COL4A6: variants seen among roughly 807,000 people sequenced by gnomAD.
COL4A6 encodes the protein collagen type IV alpha 6 chain, also known as collagen alpha-6(IV) chain.
Under a neutral mutation model 126.7 loss-of-function variants are expected in COL4A6, and 59 were observed. The observed-to-expected ratio is 0.47, with a 90% CI of 0.38 to 0.58. COL4A6 has a LOEUF of 0.58. Ranked by LOEUF, COL4A6 falls within the 20% of genes least tolerant of loss-of-function variation. The probability of loss-of-function intolerance (pLI) is 0.00; values close to 1 mark genes in which losing one functional copy is unlikely to be tolerated. For synonymous variants in COL4A6, 547 were observed against 496.6 expected (o/e 1.10, Z -1.35); for missense variants, 1,285 against 1,337.3 (o/e 0.96, Z 0.61).
At chrX:108,380,519 A>G (rs886404781) in intron 2 of COL4A6, among the ~76,000 whole-genome samples, 2 of 112,110 alleles carry the variant, frequency 1.8e-5, no homozygotes, top group Non-Finnish European at 3.8e-5. Flanking sequence ...ATCCTTTTCA[A>G]TCCAGAACAA....
At position 108,193,678 on chromosome X, in the gene COL4A6, C is replaced by T; in HGVS notation, c.1022G>A (p.Gly341Asp). 8.3e-7 allele frequency: 1 copy of T among 1,207,051 alleles called. No homozygotes were observed. The highest frequency in any genetic ancestry group is 1.1e-6 in the Non-Finnish European group (1 of 891,647). Residue 341 changes from glycine (G) to aspartate (D), a missense_variant, in exon 17 of 45, where the codon GGC becomes GAC. Coordinates refer to ENST00000334504, the MANE Select transcript of COL4A6 (RefSeq NM_033641.4). ...QGIEGQKGDIGLPGPDVFIDI... is the reference protein window; with the variant it reads ...QGIEGQKGDIDLPGPDVFIDI... ...GATGAAAACATCTGGGCCTGGCAGG[C>T]CAATGTCACCCTTTTGACCCTGCAA...
At chrX:108,252,977 G>A (rs2036891398) in intron 3 of COL4A6, among the ~76,000 whole-genome samples, 2 of 111,420 alleles carry the variant, frequency 1.8e-5, no homozygotes, top group Admixed American at 9.5e-5. Context: ...AACAAATTAG[G>A]TATAGAAGGA....
At chrX:108,312,514 A>T (rs1026916674) in intron 2 of COL4A6, among the ~76,000 whole-genome samples, 1 of 111,815 alleles carries the variant, frequency 8.9e-6, no homozygotes, top group Non-Finnish European at 1.9e-5. Flanking sequence ...CTCTGGCAGG[A>T]GGAAGCTAGG....
intron 2 of COL4A6, among the ~76,000 whole-genome samples, chrX:108,325,041 A>C (rs771256852): frequency 8.9e-6 from 1 of 112,359 alleles, no homozygotes; most frequent in East Asian, 2.8e-4. Context: ...GTATGCCTAC[A>C]TTTCTAAAAT....
intron 2 of COL4A6, among the ~76,000 whole-genome samples, chrX:108,377,941 CAAAAAAAAAAAA>C (rs745969449): frequency 1.4e-4 from 1 of 7,233 alleles, no homozygotes; most frequent in Non-Finnish European, 2.9e-4. Flanking sequence ...GACTCCGTCT[CAAAAAAAAAAAA>C]AAAAAAAAAA....
chrX:108,344,137 T>G (rs1332872112), intron 2 of COL4A6, among the ~76,000 whole-genome samples: 1 of 111,338 alleles, frequency 9.0e-6, no homozygotes, highest in African/African-American at 3.3e-5. Context: ...CAGATCTGCA[T>G]TGAAAGTTCC....
chrX:108,320,284 A>C (rs1018711475), intron 2 of COL4A6, among the ~76,000 whole-genome samples: 1 of 111,799 alleles, frequency 8.9e-6, no homozygotes, highest in Non-Finnish European at 1.9e-5. Context: ...TTTGGTGGTC[A>C]TGGACTTAAA....
chrX:108,378,450 C>T (rs1430398195), intron 2 of COL4A6, among the ~76,000 whole-genome samples: 2 of 112,112 alleles, frequency 1.8e-5, no homozygotes, highest in East Asian at 2.8e-4. Flanking sequence ...ATATGAGATA[C>T]CCTTTAGGAA....
chrX:108,276,654 C>T (rs978458532), intron 3 of COL4A6, among the ~76,000 whole-genome samples: 1 of 111,435 alleles, frequency 9.0e-6, no homozygotes, highest in Non-Finnish European at 1.9e-5. Flanking sequence ...CTTTTTTTGA[C>T]CTCCTAGAGT....
At chrX:108,245,980 A>T (rs1462918163) in intron 3 of COL4A6, among the ~76,000 whole-genome samples, 2 of 111,763 alleles carry the variant, frequency 1.8e-5, no homozygotes, top group Non-Finnish European at 3.8e-5. Flanking sequence ...TGATATCTCT[A>T]TTCCTTTTTC....
chrX:108,427,762 T>C (rs1373111443), intron 2 of COL4A6, among the ~76,000 whole-genome samples: 2 of 111,949 alleles, frequency 1.8e-5, no homozygotes, highest in Non-Finnish European at 3.8e-5. Flanking sequence ...AGTCTGAAAC[T>C]GGAACAGTTA....
chrX:108,293,600 G>A (rs1332107), intron 3 of COL4A6, among the ~76,000 whole-genome samples: 29,100 of 110,386 alleles, frequency 0.26, 3,191 homozygotes, highest in East Asian at 0.61. Flanking sequence ...TGGGACTTCG[G>A]ATTCTACCCA....
chrX:108,391,866 T>A (rs2040846706), intron 2 of COL4A6, among the ~76,000 whole-genome samples: 1 of 112,370 alleles, frequency 8.9e-6, no homozygotes, highest in Admixed American at 9.4e-5. Flanking sequence ...CCCAATGAGA[T>A]GAACCGGGTA....
rs770111064 is a variant in COL4A6 at position 108,184,337 on chromosome X, T to C, written c.1951+2759A>G. Among the ~76,000 whole-genome samples the C allele has an allele frequency of 4.4e-5, 5 of 112,493 alleles. No individual in the cohort carries two copies. In the East Asian group the frequency reaches 8.4e-4, roughly 19 times the overall value. On this transcript the variant is annotated intron_variant, in intron 23 of 44. Coordinates refer to ENST00000334504, the MANE Select transcript of COL4A6 (RefSeq NM_033641.4). Reference sequence around the variant, plus strand: ...CTTCATACTGCAAGAAGGACATGGCTATGGTTTGAATATGATTTGTCTCCA... The same window carrying C: ...CTTCATACTGCAAGAAGGACATGGCCATGGTTTGAATATGATTTGTCTCCA...
chrX:108,293,313 ATAAT>A (rs2038227535), intron 3 of COL4A6, among the ~76,000 whole-genome samples: 1 of 111,560 alleles, frequency 9.0e-6, no homozygotes, highest in South Asian at 3.8e-4. Context: ...GAATAAAGAG[ATAAT>A]TAATACATAA....
intron 3 of COL4A6, among the ~76,000 whole-genome samples, chrX:108,276,322 T>A (rs190771566): frequency 8.9e-6 from 1 of 112,776 alleles, no homozygotes; most frequent in East Asian, 2.8e-4. Context: ...TCCCACCAAC[T>A]GACATGAAAT....
At position 108,170,952 on chromosome X, in the gene COL4A6, C is replaced by A. The variant is rs200479397; in HGVS notation, c.3278-35G>T. 169 of 1,108,132 alleles carry A rather than the reference C, an allele frequency of 1.5e-4. 1 individual carries two copies. The East Asian group carries it at 4.8e-3, about 31-fold the overall frequency. The allele number at this position is 1,108,132 out of a possible 1,213,427, so 91.3% of individuals were successfully genotyped here. ...CAAGAAAAATGCTGAGTGATTAGGC[C>A]ATATTTCTAGCAGTGTATTCCTCTA... On this transcript the variant is annotated intron_variant, in intron 33 of 44. Coordinates refer to ENST00000334504, the MANE Select transcript of COL4A6 (RefSeq NM_033641.4).
intron 2 of COL4A6, among the ~76,000 whole-genome samples, chrX:108,418,415 T>C (rs537610714): frequency 7.1e-5 from 8 of 111,948 alleles, no homozygotes; most frequent in African/African-American, 2.6e-4. Flanking sequence ...TCATAGCAGA[T>C]TGGCCACAAG....
In COL4A6 at chrX:108,192,462, G is replaced by GT. The variant is rs368897242; in HGVS notation, c.1180+10dup. On this transcript the variant is annotated intron_variant, in intron 18 of 44. Coordinates refer to ENST00000334504, the MANE Select transcript of COL4A6 (RefSeq NM_033641.4). ...ACTGATCTGTGTAGGAAATGGGTTA[G>GT]TTTTTTTCACCTGATAATGCTGGCA... is the stretch of plus-strand genomic sequence containing the variant. The GT allele has an allele frequency of 7.8e-4, 922 of 1,178,810 alleles. 3 individuals carry two copies. The African/African-American group carries it at 0.013, about 17-fold the overall frequency.
Sources: gnomAD v4.1 joint callset for allele counts (sites outside exome capture counted in the v4.1 genomes callset) on GRCh38, gnomAD v4.1.1 for gene constraint, MANE v1.5 for transcripts, NCBI Gene and HGNC (gene_info 2026-07-23, HGNC 2026-07-21) for gene names.